The following DMD variants were observed in gnomAD, a reference collection of about 807,000 sequenced individuals.
The protein encoded by DMD is dystrophin, also known as mutant dystrophin.
DMD carries 63 observed loss-of-function variants against 330.1 expected under a neutral mutation model. The ratio of observed to expected loss-of-function variants is 0.19; its 90% CI spans 0.16 to 0.24. The LOEUF is 0.24. Ranked by LOEUF, DMD falls within the 10% of genes least tolerant of loss-of-function variation. DMD has a pLI of 1.00. For missense variants in DMD, 3,344 were observed against 2,684.1 expected, an observed-to-expected ratio of 1.25 and a Z score of -5.43; for synonymous variants, 1,223 against 959.8, an observed-to-expected ratio of 1.27 and a Z score of -5.07.
At position 33,167,079 on chromosome X, in the gene DMD, G is replaced by C. The variant is rs144310010; in HGVS notation, c.31+44203C>G. 6.0e-4 allele frequency among the ~76,000 whole-genome samples: 66 copies of C among 110,800 alleles called. No individual in the cohort carries two copies. In the East Asian group the frequency reaches 0.018, roughly 30 times the overall value. The stretch of plus-strand genomic sequence containing the variant: ...TGAAATTGTCCCTGCTCTCCTATCA[G>C]GTATTGGTATTATTAAAAACTGACG... On this transcript the variant is annotated intron_variant, in intron 1 of 78. Transcript: ENST00000357033.
At chrX:32,348,045 T>C (rs191047960) in intron 38 of DMD, among the ~76,000 whole-genome samples, 6 of 111,946 alleles carry the variant, frequency 5.4e-5, no homozygotes, top group South Asian at 3.7e-4. Flanking sequence ...ACCAAAAACA[T>C]TGCTGATACA....
chrX:32,261,861 A>G (rs894236947), intron 43 of DMD, among the ~76,000 whole-genome samples: 1 of 111,656 alleles, frequency 9.0e-6, no homozygotes, highest in African/African-American at 3.2e-5. Flanking sequence ...ATAGAGCAGA[A>G]TATTAGGTGA....
At chrX:31,754,859 C>T (rs2088920103) in intron 51 of DMD, among the ~76,000 whole-genome samples, 1 of 111,527 alleles carries the variant, frequency 9.0e-6, no homozygotes, top group Admixed American at 9.6e-5. Context: ...TGCCTCTTTG[C>T]AATATATACA....
chrX:32,070,838 A>T lies in DMD; in HGVS notation c.6439-102324T>A, dbSNP rs767104138. 1.1e-4 allele frequency among the ~76,000 whole-genome samples: 12 copies of T among 110,911 alleles called. No individual in the cohort carries two copies. The East Asian group carries it at 2.6e-3, about 24-fold the overall frequency. On this transcript the variant is annotated intron_variant, in intron 44 of 78. Transcript: ENST00000357033. ...CTTGGGGGGTAGAAAAGGGGTGCCG[A>T]GGGACAAAAGATAACATATATGGTG...
intron 44 of DMD, among the ~76,000 whole-genome samples, chrX:32,026,351 A>G (rs1250314603): frequency 8.9e-6 from 1 of 112,213 alleles, no homozygotes; most frequent in Middle Eastern, 4.2e-3. Flanking sequence ...TATTTCATTT[A>G]AGATTACAAA....
chrX:32,548,515 T>C (rs1327389651), intron 16 of DMD, among the ~76,000 whole-genome samples: 2 of 111,807 alleles, frequency 1.8e-5, no homozygotes, highest in East Asian at 5.6e-4. Context: ...CATTATGGTA[T>C]ATGAATGTGG....
At chrX:32,554,666 C>G (rs1254118729) in intron 16 of DMD, among the ~76,000 whole-genome samples, 1 of 107,740 alleles carries the variant, frequency 9.3e-6, no homozygotes, top group Non-Finnish European at 1.9e-5. Flanking sequence ...CAGATGGAAT[C>G]ATAGCTGAAT....
chrX:32,725,274 C>T (rs1450674593), intron 7 of DMD, among the ~76,000 whole-genome samples: 3 of 110,699 alleles, frequency 2.7e-5, no homozygotes, highest in Non-Finnish European at 5.7e-5. Context: ...TTCTCTGCCT[C>T]TCATATCATG....
At chrX:32,767,040 G>C (rs992862562) in intron 7 of DMD, among the ~76,000 whole-genome samples, 1 of 111,132 alleles carries the variant, frequency 9.0e-6, no homozygotes, top group African/African-American at 3.3e-5. Context: ...CGCATTATAG[G>C]CATAGTAATA....
At chrX:32,480,082 A>T (rs1304235154) in intron 21 of DMD, among the ~76,000 whole-genome samples, 1 of 111,540 alleles carries the variant, frequency 9.0e-6, no homozygotes, top group Admixed American at 9.6e-5. Context: ...AAATAACCTG[A>T]TTTAAAAATG....
At chrX:32,862,771 C>T (rs1417973950) in intron 2 of DMD, among the ~76,000 whole-genome samples, 2 of 111,421 alleles carry the variant, frequency 1.8e-5, no homozygotes, top group African/African-American at 6.5e-5. Flanking sequence ...TGTTGAGACT[C>T]TGTCACCTTG....
chrX:32,987,158 C>A (rs1490435525), intron 2 of DMD, among the ~76,000 whole-genome samples: 1 of 112,093 alleles, frequency 8.9e-6, no homozygotes, highest in African/African-American at 3.2e-5. Flanking sequence ...ATTATCCAGG[C>A]AAAACCAATG....
intron 2 of DMD, among the ~76,000 whole-genome samples, chrX:32,939,235 A>G (rs1306020237): frequency 9.4e-6 from 1 of 106,266 alleles, no homozygotes; most frequent in Non-Finnish European, 1.9e-5. Flanking sequence ...ATGTATATAT[A>G]TTTGAGATAT....
chrX:33,139,876 A>T lies in DMD; in HGVS notation c.31+71406T>A, dbSNP rs987257423. Among the ~76,000 whole-genome samples the T allele has an allele frequency of 8.1e-4, 87 of 107,705 alleles. 1 individual carries two copies. Among genetic ancestry groups the T allele is most frequent in the Admixed American group, 1.1e-3 (11 of 9,978 alleles). 93.5% of individuals were successfully genotyped at this position (107,705 alleles called of 115,157 possible). A position where few individuals can be genotyped will look rare whatever the true frequency, so the allele number is the denominator to read the frequency against. On this transcript the variant is annotated intron_variant, in intron 1 of 78. Transcript: ENST00000357033. ...TAATACAGCCCCATCGCTAAAAAAA[A>T]AAAAAAAAAAAAAAAAAAAATGTCT...
At chrX:31,990,168 G>A (rs940431760) in intron 44 of DMD, among the ~76,000 whole-genome samples, 2 of 112,222 alleles carry the variant, frequency 1.8e-5, no homozygotes, top group Non-Finnish European at 3.8e-5. Flanking sequence ...AAGTGGAAGC[G>A]ATGAAAATAT....
chrX:32,783,227 T>C (rs1194834472), intron 7 of DMD, among the ~76,000 whole-genome samples: 1 of 99,530 alleles, frequency 1.0e-5, no homozygotes, highest in Non-Finnish European at 2.0e-5. Flanking sequence ...TATACGTGTA[T>C]ACGTATATAC....
At chrX:31,998,090 A>G (rs2095601394) in intron 44 of DMD, among the ~76,000 whole-genome samples, 1 of 111,597 alleles carries the variant, frequency 9.0e-6, no homozygotes, top group African/African-American at 3.3e-5. Flanking sequence ...GAGTTAGTGT[A>G]GTCTACCACT....
At chrX:32,418,972 CAAAA>C (rs1160282195) in intron 29 of DMD, among the ~76,000 whole-genome samples, 11 of 13,501 alleles carry the variant, frequency 8.1e-4, no homozygotes, top group African/African-American at 1.6e-3. Context: ...GACTCTGTCT[CAAAA>C]AAAAAAAAAA....
At chrX:33,071,892 A>C (rs2094763758) in intron 1 of DMD, among the ~76,000 whole-genome samples, 1 of 112,174 alleles carries the variant, frequency 8.9e-6, no homozygotes, top group South Asian at 3.6e-4. Context: ...TTTCGTAAAG[A>C]TTCTAAGTGA....
Sources: gnomAD v4.1 joint callset for allele counts (sites outside exome capture counted in the v4.1 genomes callset) on GRCh38, gnomAD v4.1.1 for gene constraint, MANE v1.5 for transcripts, NCBI Gene and HGNC (gene_info 2026-07-23, HGNC 2026-07-21) for gene names.